FAM135A: variants seen among roughly 807,000 people sequenced by gnomAD.
The protein encoded by FAM135A is family with sequence similarity 135 member A, also known as protein FAM135A.
Under a neutral mutation model 146.8 loss-of-function variants are expected in FAM135A, and 79 were observed. That is an observed-to-expected ratio of 0.54 (90% CI 0.45 to 0.65). FAM135A has a LOEUF of 0.65. Ranked by LOEUF, FAM135A falls within the 30% of genes least tolerant of loss-of-function variation. The probability of loss-of-function intolerance (pLI) is 0.00; values close to 1 mark genes in which losing one functional copy is unlikely to be tolerated. For missense variants in FAM135A, 1,623 were observed against 1,758.2 expected, an observed-to-expected ratio of 0.92 and a Z score of 1.38; for synonymous variants, 562 against 603.6, an observed-to-expected ratio of 0.93 and a Z score of 1.01.
intron 12 of FAM135A, among the ~76,000 whole-genome samples, chr6:70,513,000 T>C (rs1336587807): frequency 6.6e-6 from 1 of 151,706 alleles, no homozygotes; most frequent in Admixed American, 6.6e-5. Context: ...TTTTTTCTGT[T>C]CAGGTTTTTG....
rs961358014 is a variant in FAM135A, at chr6:70,491,158, A to G, written c.873+75A>G. On this transcript the variant is annotated intron_variant, in intron 11 of 21. Transcript: ENST00000418814. ...GTTTCCTATTCTAAATATTTTGTCT[A>G]TGAAAACTTAAAGTATTTATAGTTC... is the stretch of plus-strand genomic sequence containing the variant. 6.4e-6 allele frequency: 8 copies of G among 1,249,210 alleles called. No individual in the cohort carries two copies. In the East Asian group the frequency reaches 7.3e-5, roughly 11 times the overall value. 77.4% of individuals were successfully genotyped at this position (1,249,210 alleles called of 1,614,324 possible).
At chr6:70,557,013 A>G in intron 21 of FAM135A, 150 bp downstream of exon 21, 1 of 635,966 alleles carries the variant, frequency 1.6e-6, no homozygotes, top group Admixed American at 2.5e-5. Context: ...TCCTTTTTCC[A>G]TTCTTCTCAC....
At chr6:70,481,375 G>A (rs747121188) in intron 9 of FAM135A, among the ~76,000 whole-genome samples, 1 of 152,188 alleles carries the variant, frequency 6.6e-6, no homozygotes, top group African/African-American at 2.4e-5. Context: ...CAGGCCAGGT[G>A]TTGTGGCTCA....
At chr6:70,433,762 C>T (rs9455104) in intron 4 of FAM135A, among the ~76,000 whole-genome samples, 31,551 of 151,786 alleles carry the variant, frequency 0.21, 3,552 homozygotes, top group African/African-American at 0.3. Context: ...TTAGACTTAT[C>T]GGGTGTAATA....
intron 12 of FAM135A, among the ~76,000 whole-genome samples, chr6:70,516,931 A>C (rs544781908): frequency 3.3e-5 from 5 of 152,264 alleles, no homozygotes; most frequent in African/African-American, 1.2e-4. Flanking sequence ...CCACTTTAAG[A>C]ACCTCTTTAC....
chr6:70,451,114 T>C (rs528275888), intron 4 of FAM135A, among the ~76,000 whole-genome samples: 1 of 152,260 alleles, frequency 6.6e-6, no homozygotes, highest in African/African-American at 2.4e-5. Context: ...ATTTTAGTAC[T>C]GTATTTTCTA....
chr6:70,526,672 A>T lies in FAM135A; in HGVS notation c.3588A>T (p.Glu1196Asp), dbSNP rs756542452. ...YNFTSSISWYESSPKPQIQAF... is the reference protein window; with the variant it reads ...YNFTSSISWYDSSPKPQIQAF... ...TCACTTCTTCGATTTCCTGGTATGA[A>T]AGTTCACCAAAACCTCAAATACAAG... Residue 1196 changes from glutamate (E) to aspartate (D), a missense_variant, in exon 15 of 22, where the codon GAA (glutamate) becomes GAT (aspartate). Physicochemically the swap from Glu to Asp is conservative, Grantham distance 45 (BLOSUM62 2). Transcript: ENST00000418814. The T allele has an allele frequency of 4.4e-6, 7 of 1,602,268 alleles. No individual in the cohort carries two copies. In the African/African-American group the frequency reaches 9.5e-5, roughly 22 times the overall value.
Position 70,504,572 on chromosome 6 carries a change from G to A in FAM135A, c.1029+1781G>A, listed in dbSNP as rs189209301. On this transcript the variant is annotated intron_variant, in intron 12 of 21. Coordinates refer to ENST00000418814, the MANE Select transcript of FAM135A (RefSeq NM_001162529.3). ...AATAAATGATGTTTGAGACAATTGG[G>A]TATCCATATGGTAAGTATTAAATAA... 5.3e-5 allele frequency: 8 copies of A among 152,234 alleles called. No homozygotes were observed. In the East Asian group the frequency reaches 7.7e-4, roughly 15 times the overall value. The allele number at this position is 152,234 out of a possible 1,614,324, so 9.4% of individuals were successfully genotyped here. A position where few individuals can be genotyped will look rare whatever the true frequency, so the allele number is the denominator to read the frequency against.
chr6:70,473,746 G>A (rs1782062398), intron 5 of FAM135A, among the ~76,000 whole-genome samples: 1 of 152,100 alleles, frequency 6.6e-6, no homozygotes, highest in African/African-American at 2.4e-5. Context: ...CCTTGTGCCA[G>A]GAGTTCCTTT....
chr6:70,455,276 G>A (rs185171745), intron 5 of FAM135A, among the ~76,000 whole-genome samples: 5 of 151,886 alleles, frequency 3.3e-5, no homozygotes, highest in Admixed American at 1.3e-4. Context: ...CATTGATTTC[G>A]TTATCCTGAG....
chr6:70,518,617 C>G (rs1792838774), intron 12 of FAM135A, among the ~76,000 whole-genome samples: 1 of 152,178 alleles, frequency 6.6e-6, no homozygotes, highest in South Asian at 2.1e-4. Context: ...GCTAATGTAA[C>G]TGGTGCCTTG....
rs559137854 is a variant in FAM135A, at chr6:70,464,149, C to T, written c.158-11261C>T. On this transcript the variant is annotated intron_variant, in intron 5 of 21. Coordinates refer to ENST00000418814, the MANE Select transcript of FAM135A (RefSeq NM_001162529.3). Reference sequence around the variant, plus strand: ...ACAAAGTAAATGAAAGATACCAGTGCTAACTTTTAACCAAAGGAAACGGAA... The same window carrying T: ...ACAAAGTAAATGAAAGATACCAGTGTTAACTTTTAACCAAAGGAAACGGAA... Among the ~76,000 whole-genome samples the T allele has an allele frequency of 6.6e-5, 10 of 152,226 alleles. No homozygotes were observed. The South Asian group carries it at 2.1e-3, about 32-fold the overall frequency.
chr6:70,443,809 G>A (rs569259140), intron 4 of FAM135A, among the ~76,000 whole-genome samples: 5 of 151,484 alleles, frequency 3.3e-5, no homozygotes, highest in Admixed American at 2.6e-4. Context: ...TCTTAATTAA[G>A]GTTTGCTGGA....
At chr6:70,430,777 C>T (rs929586648) in intron 4 of FAM135A, among the ~76,000 whole-genome samples, 3 of 152,216 alleles carry the variant, frequency 2.0e-5, no homozygotes, top group Admixed American at 6.5e-5. Context: ...TTTCAGGAGA[C>T]TGCAGATGAA....
At chr6:70,529,290 A>G (rs754686771) in intron 16 of FAM135A, among the ~76,000 whole-genome samples, 46 of 152,060 alleles carry the variant, frequency 3.0e-4, no homozygotes, top group Non-Finnish European at 5.3e-4. Context: ...AGATGTAGGA[A>G]CTGTTAGAAG....
intron 20 of FAM135A, among the ~76,000 whole-genome samples, chr6:70,538,886 T>A (rs981736682): frequency 8.3e-5 from 11 of 132,166 alleles, no homozygotes; most frequent in Middle Eastern, 4.2e-3. Context: ...TCTGAAAGTG[T>A]CAGAAACTAA....
chr6:70,432,192 T>C (rs1316235851), intron 4 of FAM135A, among the ~76,000 whole-genome samples: 1 of 152,180 alleles, frequency 6.6e-6, no homozygotes, highest in African/African-American at 2.4e-5. Context: ...AGTATTTTAT[T>C]CTTCCTCTAA....
At chr6:70,450,737 TTTTTTTTTTTTTTTTTTTTTTG>T (rs1776880928) in intron 4 of FAM135A, among the ~76,000 whole-genome samples, 1 of 106,576 alleles carries the variant, frequency 9.4e-6, no homozygotes, top group South Asian at 3.6e-4. Flanking sequence ...TTTTTTTTTT[TTTTTTTTTTTTTTTTTTTTTTG>T]AGTCAGAGTC....
chr6:70,489,486 G>A (rs555329909), intron 10 of FAM135A, among the ~76,000 whole-genome samples: 68 of 152,220 alleles, frequency 4.5e-4, no homozygotes, highest in African/African-American at 1.6e-3. Flanking sequence ...GTTACCGGGT[G>A]GGGTACAGCG....
Sources: gnomAD v4.1 joint callset for allele counts (sites outside exome capture counted in the v4.1 genomes callset) on GRCh38, gnomAD v4.1.1 for gene constraint, MANE v1.5 for transcripts, NCBI Gene and HGNC (gene_info 2026-07-23, HGNC 2026-07-21) for gene names.